The following TRMT5 variants were observed in gnomAD, a reference collection of about 807,000 sequenced individuals.
TRMT5 encodes tRNA methyltransferase 5.
A neutral mutation model predicts 42.2 loss-of-function variants in TRMT5; 31 were observed. The observed-to-expected ratio is 0.73, with a 90% CI of 0.55 to 0.99. The LOEUF is 0.99. TRMT5 is among the 50% of genes least tolerant of loss of function. The pLI is 0.00. For missense variants in TRMT5, 568 were observed against 595.0 expected (o/e 0.95, Z 0.47); for synonymous variants, 198 against 209.6 (o/e 0.94, Z 0.48).
In TRMT5 at chr14:60,971,614, C is replaced by A; in HGVS notation, c.*3495G>T. 1 of 189,600 alleles carries A rather than the reference C, an allele frequency of 5.3e-6. No individual in the cohort carries two copies. The highest frequency in any genetic ancestry group is 1.0e-5 in the Non-Finnish European group (1 of 95,536). 11.7% of individuals were successfully genotyped at this position (189,600 alleles called of 1,614,324 possible). On this transcript the variant is annotated 3_prime_UTR_variant, in exon 5 of 5. Coordinates refer to ENST00000261249, the MANE Select transcript of TRMT5 (RefSeq NM_020810.3). The stretch of plus-strand genomic sequence containing the variant: ...CTATAAAACCCAATGAAGTCCTCAT[C>A]TGATGCTCTGAACAGGGAAAGTTTA...
chr14:60,972,367 G>A lies in TRMT5; in HGVS notation c.*2742C>T. 3.7e-6 allele frequency: 2 copies of A among 544,008 alleles called. No homozygotes were observed. Among genetic ancestry groups the A allele is most frequent in the Non-Finnish European group, 3.7e-6 (1 of 269,966 alleles). The allele number at this position is 544,008 out of a possible 1,614,324, so 33.7% of individuals were successfully genotyped here. On this transcript the variant is annotated 3_prime_UTR_variant, in exon 5 of 5. Transcript: ENST00000261249. ...TTAGGCTTGGGCTCTGGCTTTGGAG[G>A]AGCAGGTTTAGCAGACAACCTCGCA... is the stretch of plus-strand genomic sequence containing the variant.
chr14:60,981,384 T>C (rs767314996), upstream of TRMT5: 16 of 1,592,010 alleles, frequency 1.0e-5, no homozygotes, highest in Middle Eastern at 1.6e-4. Flanking sequence ...CTAAGCAACG[T>C]AAGTGGGCTG....
rs1265157133 is a variant in TRMT5 at position 60,975,461 on chromosome 14, C to A, written c.1444+14G>T. 3 of 1,599,132 alleles carry A rather than the reference C, an allele frequency of 1.9e-6. No homozygotes were observed. Among genetic ancestry groups the A allele is most frequent in the African/African-American group, 2.7e-5 (2 of 74,236 alleles). ...ATGGCAAGGTTTACATTTAATTTCC[C>A]AGAAACTGCTCACCTGGATTTCTGG... On this transcript the variant is annotated intron_variant, in intron 4 of 4. Transcript: ENST00000261249.
Position 60,973,061 on chromosome 14 carries a change from T to G in TRMT5, c.*2048A>C, listed in dbSNP as rs1317234975. ...AAAATGCTGAACTCAGAAAATATAC[T>G]CACTAAAATTTGTGGGAATGGAAAT... On this transcript the variant is annotated 3_prime_UTR_variant, in exon 5 of 5. Transcript: ENST00000261249. 2 of 152,234 alleles carry G rather than the reference T, an allele frequency of 1.3e-5. No individual in the cohort carries two copies. Among genetic ancestry groups the G allele is most frequent in the African/African-American group, 4.8e-5 (2 of 41,460 alleles). The allele number at this position is 152,234 out of a possible 1,614,324, so 9.4% of individuals were successfully genotyped here.
At position 60,979,349 on chromosome 14, in the gene TRMT5, TTC is replaced by T; in HGVS notation, c.547_548del (p.Glu183ArgfsTer9). On this transcript the variant is annotated frameshift_variant, in exon 2 of 5. Transcript: ENST00000261249. LOFTEE classifies it high-confidence loss of function. ...CAGGAAGCACAGCTCTCAAGATTTC[TTC>T]TGACTTAAAGTGTTCATATGTTAGT... ...LELTYEHFKS[E>X]EILRAVLPEG... 6.2e-7 allele frequency: 1 copy of T among 1,614,168 alleles called. No homozygotes were observed. Among genetic ancestry groups the T allele is most frequent in the Non-Finnish European group, 8.5e-7 (1 of 1,180,012 alleles).
rs1417856112 is a variant in TRMT5 at position 60,972,516 on chromosome 14, G to C, written c.*2593C>G. 3 of 453,752 alleles carry C rather than the reference G, an allele frequency of 6.6e-6. No homozygotes were observed. The highest frequency in any genetic ancestry group is 6.1e-5 in the African/African-American group (3 of 49,442). The allele number at this position is 453,752 out of a possible 1,614,324, so 28.1% of individuals were successfully genotyped here. On this transcript the variant is annotated 3_prime_UTR_variant, in exon 5 of 5. Coordinates refer to ENST00000261249, the MANE Select transcript of TRMT5 (RefSeq NM_020810.3). The stretch of plus-strand genomic sequence containing the variant: ...TGGGCACCGGGTGTGGGACGCAGCA[G>C]CGCGCGGGCTTTGGTCGGTCCAGGG...
chr14:60,972,280 C>T lies in TRMT5; in HGVS notation c.*2829G>A. 1.9e-6 allele frequency: 1 copy of T among 534,706 alleles called. No homozygotes were observed. Among genetic ancestry groups the T allele is most frequent in the South Asian group, 1.4e-5 (1 of 72,380 alleles). 33.1% of individuals were successfully genotyped at this position (534,706 alleles called of 1,614,324 possible). A position where few individuals can be genotyped will look rare whatever the true frequency, so the allele number is the denominator to read the frequency against. ...TCTCCAGCACCTTCCCGCTCCTTGC[C>T]AGCATCAGCTTTTCTCTTTTTCCCT... On this transcript the variant is annotated 3_prime_UTR_variant, in exon 5 of 5. Coordinates refer to ENST00000261249, the MANE Select transcript of TRMT5 (RefSeq NM_020810.3).
chr14:60,976,216 AAC>A (rs1566589825), intron 3 of TRMT5, 90 bp from the exon 4 acceptor site: 6 of 1,412,414 alleles, frequency 4.2e-6, no homozygotes, highest in Non-Finnish European at 5.7e-6. Flanking sequence ...CACACAGGCA[AAC>A]ACATACACAT....
At chr14:60,977,330 G>A (rs936594957) in intron 3 of TRMT5, among the ~76,000 whole-genome samples, 184 bp downstream of exon 3, 1 of 152,044 alleles carries the variant, frequency 6.6e-6, no homozygotes, top group Admixed American at 6.6e-5. Context: ...ATCACTATAT[G>A]AGAATTTAAC....
At position 60,971,918 on chromosome 14, in the gene TRMT5, TA is replaced by T. The variant is rs2036779558; in HGVS notation, c.*3190del. The T allele has an allele frequency of 4.3e-6, 1 of 231,332 alleles. No individual in the cohort carries two copies. Among genetic ancestry groups the T allele is most frequent in the Admixed American group, 5.2e-5 (1 of 19,138 alleles). The allele number at this position is 231,332 out of a possible 1,614,324, so 14.3% of individuals were successfully genotyped here. On this transcript the variant is annotated 3_prime_UTR_variant, in exon 5 of 5. Coordinates refer to ENST00000261249, the MANE Select transcript of TRMT5 (RefSeq NM_020810.3). Reference sequence around the variant, plus strand: ...AAAGATGGAAAGGGAAAAGAAGACATAAAAACGAATTTGTTTTTCCATACCA... The same window carrying T: ...AAAGATGGAAAGGGAAAAGAAGACATAAAACGAATTTGTTTTTCCATACCA...
At chr14:60,981,432 C>G (rs770947340), upstream of TRMT5, 5 of 1,550,994 alleles carry the variant, frequency 3.2e-6, no homozygotes, top group East Asian at 1.2e-4. Flanking sequence ...CGGCTTCCCT[C>G]AAGTGCCTGC....
chr14:60,979,175 A>T (rs928006894), intron 2 of TRMT5, 56 bp downstream of exon 2: 84 of 1,468,048 alleles, frequency 5.7e-5, no homozygotes, highest in Non-Finnish European at 7.7e-5. Flanking sequence ...TTAAAGCTAA[A>T]ATTAACAATT....
rs761543500 is a variant in TRMT5 at position 60,979,833 on chromosome 14, T to A, written c.65A>T (p.His22Leu). Residue 22 changes from histidine to leucine, a missense_variant, in exon 2 of 5, where the codon CAT becomes CTT. Transcript: ENST00000261249. ...FSGRFLKLES[H>L]SITESKSLIP... ...CAACGATTTTGATTCAGTTATGCTATGGCTTTCCAGTTTCAGAAATCTTCC... is the reference window on the plus strand; with the variant it reads ...CAACGATTTTGATTCAGTTATGCTAAGGCTTTCCAGTTTCAGAAATCTTCC... 6.2e-7 allele frequency: 1 copy of A among 1,604,352 alleles called. No homozygotes were observed. Among genetic ancestry groups the A allele is most frequent in the Non-Finnish European group, 8.5e-7 (1 of 1,175,054 alleles).
upstream of TRMT5, chr14:60,981,355 C>G (rs1021906633): frequency 1.9e-6 from 3 of 1,608,340 alleles, no homozygotes; most frequent in Non-Finnish European, 8.5e-7. Context: ...AAGCGGAGGC[C>G]GAAGAGTTGA....
chr14:60,978,110 T>C (rs1024787674), intron 2 of TRMT5, among the ~76,000 whole-genome samples: 6 of 152,062 alleles, frequency 3.9e-5, no homozygotes, highest in Admixed American at 6.6e-5. Flanking sequence ...TTTAGAAATA[T>C]ATGCCAGCAA....
chr14:60,977,475 A>G (rs1451159463), intron 3 of TRMT5, 39 bp downstream of exon 3: 3 of 1,560,924 alleles, frequency 1.9e-6, no homozygotes, highest in Admixed American at 3.9e-5. Flanking sequence ...TCTAAACATA[A>G]TATTGATATA....
Position 60,981,047 on chromosome 14 carries a change from T to C in TRMT5, c.-74A>G, listed in dbSNP as rs755881753. On this transcript the variant is annotated 5_prime_UTR_variant, in exon 1 of 5. Transcript: ENST00000261249. ...ACCTCCCGCTCCGGTACCGATCGGA[T>C]GTGGGTCGCGGGTGGATGGGCGGGT... The C allele has an allele frequency of 3.7e-6, 6 of 1,609,174 alleles. No individual in the cohort carries two copies. Among genetic ancestry groups the C allele is most frequent in the Admixed American group, 1.7e-5 (1 of 60,028 alleles).
chr14:60,975,375 A>G (rs2036830743), intron 4 of TRMT5, 100 bp downstream of exon 4: 1 of 1,459,168 alleles, frequency 6.9e-7, no homozygotes, highest in African/African-American at 1.4e-5. Flanking sequence ...GTAGCTTTCT[A>G]TTAGACTGAA....
Position 60,977,630 on chromosome 14 carries a change from TA to T in TRMT5, c.675del (p.Met226Ter). On this transcript the variant is annotated frameshift_variant, in exon 3 of 5. Transcript: ENST00000261249. LOFTEE classifies it high-confidence loss of function. ...QLPFKHLIGQ[V>X]MIDKNPGITS... Reference sequence around the variant, plus strand: ...GTGATTCCTGGATTTTTGTCAATCATAACCTGGCCTAAAAGAAAAAATGAAA... The same window carrying T: ...GTGATTCCTGGATTTTTGTCAATCATACCTGGCCTAAAAGAAAAAATGAAA... The T allele has an allele frequency of 6.3e-7, 1 of 1,598,414 alleles. No homozygotes were observed.
Sources: gnomAD v4.1 joint callset for allele counts (sites outside exome capture counted in the v4.1 genomes callset) on GRCh38, gnomAD v4.1.1 for gene constraint, MANE v1.5 for transcripts, NCBI Gene and HGNC (gene_info 2026-07-23, HGNC 2026-07-21) for gene names.